The following MFN2 variants were observed in gnomAD, a reference collection of about 807,000 sequenced individuals.
MFN2 encodes mitofusin-2.
In MFN2, 43 loss-of-function variants were observed where a neutral mutation model predicts 87.5. The observed-to-expected ratio is 0.49, with a 90% CI of 0.38 to 0.63. MFN2 has a LOEUF of 0.63. Among genes scored for constraint, MFN2 ranks in the 30% least tolerant of loss-of-function variants. The probability of loss-of-function intolerance (pLI) is 0.00; values close to 1 mark genes in which losing one functional copy is unlikely to be tolerated. For synonymous variants in MFN2, 337 were observed against 359.9 expected (o/e 0.94, Z 0.72); for missense variants, 743 against 972.8 (o/e 0.76, Z 3.14).
At chr1:11,993,349 AAGCT>A (rs1374126211) in intron 4 of MFN2, among the ~76,000 whole-genome samples, 1 of 152,174 alleles carries the variant, frequency 6.6e-6, no homozygotes, top group East Asian at 1.9e-4. Flanking sequence ...ACATTAAACA[AAGCT>A]AGCCATCATC....
At chr1:12,005,554 G>A (rs981511822) in intron 14 of MFN2, among the ~76,000 whole-genome samples, 157 bp from the exon 15 acceptor site, 5 of 152,242 alleles carry the variant, frequency 3.3e-5, no homozygotes, top group African/African-American at 1.2e-4. Flanking sequence ...AGTGAGGCAT[G>A]CTCAGTCTCA....
At chr1:12,005,998 G>A in intron 15 of MFN2, 67 bp downstream of exon 15, 1 of 1,500,150 alleles carries the variant, frequency 6.7e-7, no homozygotes, top group Non-Finnish European at 9.3e-7. Flanking sequence ...CCAGACACGG[G>A]AACCATTCTA....
At chr1:12,001,279 C>T (rs909307939) in intron 8 of MFN2, 122 bp from the exon 9 acceptor site, 5 of 1,376,232 alleles carry the variant, frequency 3.6e-6, no homozygotes, top group Non-Finnish European at 5.0e-6. Flanking sequence ...TCCCAAAGTG[C>T]TGGGATTACA....
chr1:12,001,874 C>T, intron 10 of MFN2, 38 bp downstream of exon 10: 1 of 1,613,590 alleles, frequency 6.2e-7, no homozygotes, highest in African/African-American at 1.3e-5. Flanking sequence ...GATTCTGTGC[C>T]TCCCCAGCTC....
intron 3 of MFN2, chr1:11,992,321 G>T: frequency 1.7e-6 from 1 of 580,276 alleles, no homozygotes; most frequent in Non-Finnish European, 3.1e-6. Context: ...AGGCCACAGA[G>T]CTAGAAAGTG....
chr1:11,985,758 G>A (rs1240731546), intron 2 of MFN2, among the ~76,000 whole-genome samples: 1 of 152,040 alleles, frequency 6.6e-6, no homozygotes, highest in Admixed American at 6.6e-5. Flanking sequence ...ATGAGCCACC[G>A]TGCCTGACCC....
intron 18 of MFN2, among the ~76,000 whole-genome samples, chr1:12,010,300 C>T (rs921818343): frequency 6.6e-6 from 1 of 152,256 alleles, no homozygotes; most frequent in Non-Finnish European, 1.5e-5. Flanking sequence ...CTGCAGTTCA[C>T]AGCGCCCTGT....
At chr1:11,988,262 C>T (rs191568221) in intron 2 of MFN2, among the ~76,000 whole-genome samples, 104 of 151,852 alleles carry the variant, frequency 6.8e-4, no homozygotes, top group African/African-American at 2.3e-3. Context: ...CCACCACACC[C>T]GGCTATATTT....
At chr1:11,996,073 G>A in intron 4 of MFN2, 83 bp from the exon 5 acceptor site, 4 of 1,578,124 alleles carry the variant, frequency 2.5e-6, no homozygotes, top group Non-Finnish European at 2.6e-6. Context: ...TAGGGCTTTG[G>A]CCTTCCAGGC....
rs1345467885 is a variant in MFN2 at position 12,004,642 on chromosome 1, G to T, written c.1392+29G>T. 1 of 1,603,612 alleles carries T rather than the reference G, an allele frequency of 6.2e-7. No homozygotes were observed. The highest frequency in any genetic ancestry group is 2.2e-5 in the East Asian group (1 of 44,836). ...AGTCATGGAGCAACAGGTCCTCTTGGCAGGAGGCCCCCAAAAGTGATTCAA... is the reference window on the plus strand; with the variant it reads ...AGTCATGGAGCAACAGGTCCTCTTGTCAGGAGGCCCCCAAAAGTGATTCAA... On this transcript the variant is annotated intron_variant, in intron 13 of 18. Transcript: ENST00000235329. The surrounding 1 kb of genome is among the most constrained non-coding windows in gnomAD (Gnocchi z 4.2).
chr1:11,999,675 T>C (rs1184348220), intron 8 of MFN2, among the ~76,000 whole-genome samples: 1 of 151,486 alleles, frequency 6.6e-6, no homozygotes, highest in Non-Finnish European at 1.5e-5. Flanking sequence ...TCTTTAAATA[T>C]GTGAAATGAA....
rs786204244 is a variant in MFN2 at position 12,006,544 on chromosome 1, C to T, written c.1723C>T (p.Arg575Cys). ...ALMGYNDQVQ[R>C]PIPLTPANPS... ...CTCATGTTTCTCTCCTCAGGTCCAG[C>T]GTCCCATCCCTCTGACGCCAGCCAA... Residue 575 changes from arginine to cysteine, a missense_variant, in exon 16 of 19, where the codon CGT (arginine) becomes TGT (cysteine). Around this residue, in one of 3 missense-constraint regions of MFN2, gnomAD observed 571 missense variants for 670.7 expected, o/e 0.85. Transcript: ENST00000235329. 2.5e-6 allele frequency: 4 copies of T among 1,614,168 alleles called. No homozygotes were observed. The highest frequency in any genetic ancestry group is 2.2e-5 in the South Asian group (2 of 91,086).
chr1:12,004,230 G>A lies in MFN2; in HGVS notation c.1287+112G>A. The A allele has an allele frequency of 6.9e-7, 1 of 1,456,966 alleles. No individual in the cohort carries two copies. The highest frequency in any genetic ancestry group is 9.5e-7 in the Non-Finnish European group (1 of 1,057,212). 90.3% of individuals were successfully genotyped at this position (1,456,966 alleles called of 1,614,324 possible). A position where few individuals can be genotyped will look rare whatever the true frequency, so the allele number is the denominator to read the frequency against. ...CTCAGCCTTTCAGAAGAAAGTTGTG[G>A]CCCTGTTTCAAGAATACAGAGCTGC... On this transcript the variant is annotated intron_variant, in intron 12 of 18. Coordinates refer to ENST00000235329, the MANE Select transcript of MFN2 (RefSeq NM_014874.4). The surrounding 1 kb of genome is among the most constrained non-coding windows in gnomAD (Gnocchi z 4.2).
intron 3 of MFN2, among the ~76,000 whole-genome samples, chr1:11,990,388 C>T (rs767040386): frequency 6.6e-6 from 1 of 152,198 alleles, no homozygotes; most frequent in Non-Finnish European, 1.5e-5. Context: ...GAAATAATCC[C>T]AACTCATTGC....
chr1:11,995,532 C>T (rs947547824), intron 4 of MFN2, among the ~76,000 whole-genome samples: 4 of 152,078 alleles, frequency 2.6e-5, no homozygotes, highest in Admixed American at 6.5e-5. Flanking sequence ...ACTTGGGAGG[C>T]TGAGGCAGGA....
In MFN2 at chr1:12,011,774, C is replaced by G. The variant is rs113306881; in HGVS notation, c.*209C>G. The G allele has an allele frequency of 6.5e-6, 4 of 614,542 alleles. No homozygotes were observed. Among genetic ancestry groups the G allele is most frequent in the African/African-American group, 5.5e-5 (3 of 54,380 alleles). 38.1% of individuals were successfully genotyped at this position (614,542 alleles called of 1,614,324 possible). Reference sequence around the variant, plus strand: ...TTGCTGGAAGAGCTGGCTCATACCCCCAAAGGACACTTTCAGCGACAGCTA... The same window carrying G: ...TTGCTGGAAGAGCTGGCTCATACCCGCAAAGGACACTTTCAGCGACAGCTA... On this transcript the variant is annotated 3_prime_UTR_variant, in exon 19 of 19. Transcript: ENST00000235329.
chr1:12,006,039 G>A, intron 15 of MFN2, 108 bp downstream of exon 15: 4 of 1,040,790 alleles, frequency 3.8e-6, no homozygotes, highest in Non-Finnish European at 5.9e-6. Flanking sequence ...CAGCAGCTGT[G>A]GTGGTGTGCC....
In MFN2 at chr1:12,004,760, G is replaced by A. The variant is rs78503576; in HGVS notation, c.1393-65G>A. 1.4e-3 allele frequency: 2,228 copies of A among 1,545,420 alleles called. 18 individuals carry two copies. In the East Asian group the frequency reaches 0.023, roughly 16 times the overall value. On this transcript the variant is annotated intron_variant, in intron 13 of 18. Coordinates refer to ENST00000235329, the MANE Select transcript of MFN2 (RefSeq NM_014874.4). This position sits in a 1 kb window ranked among gnomAD's most constrained non-coding sequence, Gnocchi z 4.2. ...TCCGTCAGCCTTCTGGGGTCACCTG[G>A]TGGATGTGGCCTGAAGGGAATTTTG... is the stretch of plus-strand genomic sequence containing the variant.
chr1:12,005,617 G>C, intron 14 of MFN2, 94 bp from the exon 15 acceptor site: 1 of 1,285,036 alleles, frequency 7.8e-7, no homozygotes, highest in East Asian at 2.3e-5. Context: ...CAGCATCCCT[G>C]GCAGTAGCTG....
Sources: allele counts gnomAD v4.1 joint callset (sites outside exome capture counted in the v4.1 genomes callset), GRCh38; gene constraint gnomAD v4.1.1; regional missense constraint gnomAD v4.1.1; non-coding constraint Gnocchi (gnomAD v3.1); transcripts MANE v1.5; gene names NCBI Gene and HGNC (gene_info 2026-07-23, HGNC 2026-07-21).